The following SASH1 variants were observed in gnomAD, a reference collection of about 807,000 sequenced individuals.
SASH1 encodes the protein SAM and SH3 domain containing 1, also known as SAM and SH3 domain-containing protein 1.
SASH1 carries 44 observed loss-of-function variants against 125.2 expected under a neutral mutation model. The observed-to-expected ratio is 0.35, with a 90% CI of 0.28 to 0.45. SASH1 has a LOEUF of 0.45. Ranked by LOEUF, SASH1 falls within the 20% of genes least tolerant of loss-of-function variation. The pLI, the probability that SASH1 is intolerant of heterozygous loss-of-function variation, is 1.00. For synonymous variants in SASH1, 639 were observed against 649.1 expected, an observed-to-expected ratio of 0.98 and a Z score of 0.24; for missense variants, 1,426 against 1,614.5, an observed-to-expected ratio of 0.88 and a Z score of 2.00.
chr6:148,273,753 G>A (rs1425034678), intron 1 of SASH1, among the ~76,000 whole-genome samples: 1 of 152,214 alleles, frequency 6.6e-6, no homozygotes, highest in Non-Finnish European at 1.5e-5. Context: ...CTCTGCTTCT[G>A]GCCTGGGCTT....
At chr6:148,287,301 C>T (rs373419589) in intron 1 of SASH1, among the ~76,000 whole-genome samples, 4 of 152,182 alleles carry the variant, frequency 2.6e-5, no homozygotes, top group Non-Finnish European at 5.9e-5. Context: ...ATAGTCCCTA[C>T]GCCTTGGAAA....
chr6:148,337,490 G>A (rs1362493110), intron 1 of SASH1, among the ~76,000 whole-genome samples: 1 of 151,948 alleles, frequency 6.6e-6, no homozygotes, highest in Non-Finnish European at 1.5e-5. Context: ...TCCCAAAGTG[G>A]TGGGATTACA....
In SASH1 at chr6:148,519,238, C is replaced by T. The variant is rs1269585081; in HGVS notation, c.863-309C>T. Among the ~76,000 whole-genome samples the T allele has an allele frequency of 6.6e-6, 1 of 152,162 alleles. No homozygotes were observed. The highest frequency in any genetic ancestry group is 2.4e-5 in the African/African-American group (1 of 41,430). On this transcript the variant is annotated intron_variant, in intron 9 of 19. Transcript: ENST00000367467. The surrounding 1 kb of genome is among the most constrained non-coding windows in gnomAD (Gnocchi z 4.8). ...TTACAAACTGCAGAGGGCATTATCT[C>T]GAAATGCTAAGGCATATTGTGATTA...
At chr6:148,521,162 C>T (rs1353527353) in intron 10 of SASH1, among the ~76,000 whole-genome samples, 1 of 152,194 alleles carries the variant, frequency 6.6e-6, no homozygotes. Context: ...ATTTTTCCTT[C>T]TGAAATTCCC....
At chr6:148,513,977 T>G (rs1273579061) in intron 8 of SASH1, 1 of 1,005,528 alleles carries the variant, frequency 9.9e-7, no homozygotes, top group Non-Finnish European at 1.2e-6. Context: ...ACCACAGCAG[T>G]GAAACTGGAA....
chr6:148,376,557 G>C (rs994758069), intron 1 of SASH1, among the ~76,000 whole-genome samples: 34 of 152,084 alleles, frequency 2.2e-4, no homozygotes, highest in African/African-American at 8.0e-4. Context: ...TCTTGTATTT[G>C]TTTTCTTACA....
At position 148,487,703 on chromosome 6, in the gene SASH1, A is replaced by T. The variant is rs1441038327; in HGVS notation, c.717A>T (p.Ser239=). 33 of 1,610,788 alleles carry T rather than the reference A, an allele frequency of 2.0e-5. No homozygotes were observed. Among genetic ancestry groups the T allele is most frequent in the Non-Finnish European group, 2.5e-5 (30 of 1,177,266 alleles). The part of the protein sequence containing the change: ...PDGSYPTFDG[S]SNCNSREQSD... ...GTTCTTACCCAACGTTTGATGGCTC[A>T]TCAAACTGCAATGTGAGTTTATCAT... Residue 239 remains serine (S), a synonymous_variant, in exon 8 of 20, where the codon TCA becomes TCT. Coordinates refer to ENST00000367467, the MANE Select transcript of SASH1 (RefSeq NM_015278.5).
upstream of SASH1, among the ~76,000 whole-genome samples, chr6:148,267,762 T>C (rs1199408446): frequency 6.6e-6 from 1 of 152,122 alleles, no homozygotes; most frequent in Admixed American, 6.5e-5. Context: ...TTCTTAAACC[T>C]TCCCAATGAT....
chr6:148,486,184 G>A (rs571805790), intron 7 of SASH1, among the ~76,000 whole-genome samples: 7 of 152,148 alleles, frequency 4.6e-5, no homozygotes, highest in Non-Finnish European at 8.8e-5. Context: ...GCAGTGGTGC[G>A]ATCTCGGCTC....
intron 1 of SASH1, among the ~76,000 whole-genome samples, chr6:148,289,861 G>GTTTTTTTTTTTTTTT (rs144013796): frequency 4.7e-5 from 4 of 85,894 alleles, no homozygotes; most frequent in Admixed American, 1.6e-4. Flanking sequence ...TTTTGGTTGT[G>GTTTTTTTTTTTTTTT]TTTTTTTTTT....
rs10695657 is a variant in SASH1, at chr6:148,319,022, C to CTTTTT, written n.74+46669_74+46673dup. On this transcript the variant is annotated intron_variant and non_coding_transcript_variant, in intron 1 of 3. Coordinates refer to the SASH1 transcript ENST00000367469. ...ATATGGAAGAAGCCGCATTTATCTTCTTTTTTTTTTTTTTTTTTTTTTTTT... is the reference window on the plus strand; with the variant it reads ...ATATGGAAGAAGCCGCATTTATCTTCTTTTTTTTTTTTTTTTTTTTTTTTTTTTTT... Among the ~76,000 whole-genome samples, 536 of 66,700 alleles carry CTTTTT rather than the reference C, an allele frequency of 8.0e-3. 111 individuals are homozygous for CTTTTT. The highest frequency in any genetic ancestry group is 0.011 in the African/African-American group (185 of 16,564). The allele number at this position is 66,700 out of a possible 152,430, so 43.8% of individuals were successfully genotyped here. A position where few individuals can be genotyped will look rare whatever the true frequency, so the allele number is the denominator to read the frequency against.
chr6:148,338,973 C>T (rs1272823546), upstream of SASH1, among the ~76,000 whole-genome samples: 1 of 140,498 alleles, frequency 7.1e-6, no homozygotes, highest in Non-Finnish European at 1.5e-5. Context: ...CCACTGCACT[C>T]CAGCCTGGGC....
intron 10 of SASH1, 107 bp from the exon 11 acceptor site, chr6:148,525,184 G>A (rs894740734): frequency 2.6e-6 from 2 of 767,456 alleles, no homozygotes; most frequent in South Asian, 2.9e-5. Flanking sequence ...TCCTGTCCAC[G>A]TATTTGTGAT....
chr6:148,530,948 T>C (rs138836131), intron 12 of SASH1, among the ~76,000 whole-genome samples: 244 of 152,358 alleles, frequency 1.6e-3, no homozygotes, highest in African/African-American at 5.8e-3. Context: ...GAGTAACATA[T>C]GGAAATTTTA....
At chr6:148,237,235 G>A in the SASH1 span, among the ~76,000 whole-genome samples, 2 of 151,786 alleles carry the variant, frequency 1.3e-5, no homozygotes, top group Non-Finnish European at 2.9e-5. Context: ...ACCATATTGA[G>A]TTACCAATGA....
intron 1 of SASH1, among the ~76,000 whole-genome samples, chr6:148,273,952 T>C (rs1779124935): frequency 6.6e-6 from 1 of 152,232 alleles, no homozygotes; most frequent in Non-Finnish European, 1.5e-5. Context: ...AAATGTCAGT[T>C]TGGGCATTTA....
At chr6:148,199,218 C>T in the SASH1 span, among the ~76,000 whole-genome samples, 3 of 152,032 alleles carry the variant, frequency 2.0e-5, no homozygotes, top group African/African-American at 7.2e-5. Flanking sequence ...ACTGTCTCTA[C>T]TAAAAATACA....
intron 2 of SASH1, among the ~76,000 whole-genome samples, chr6:148,426,914 A>G (rs1775847552): frequency 6.6e-6 from 1 of 152,080 alleles, no homozygotes; most frequent in Non-Finnish European, 1.5e-5. Context: ...GCGGCTGGTC[A>G]CTTGAGACCA....
In SASH1 at chr6:148,390,141, C is replaced by T. The variant is rs778426190; in HGVS notation, c.164C>T (p.Ser55Leu). Residue 55 changes from serine to leucine, a missense_variant, in exon 2 of 20, where the codon TCA becomes TTA. Transcript: ENST00000367467. ...GTTTGTCCACCCCTTCAGGACGGTT[C>T]ACTGGGAAACATCGATGACCTGGCG... ...WTDVMGILDG[S>L]LGNIDDLAQQ... 3.7e-6 allele frequency: 6 copies of T among 1,613,180 alleles called. No homozygotes were observed. The highest frequency in any genetic ancestry group is 1.7e-5 in the Admixed American group (1 of 59,988).
Sources: allele counts gnomAD v4.1 joint callset (sites outside exome capture counted in the v4.1 genomes callset), GRCh38; gene constraint gnomAD v4.1.1; non-coding constraint Gnocchi (gnomAD v3.1); transcripts MANE v1.5; gene names NCBI Gene and HGNC (gene_info 2026-07-23, HGNC 2026-07-21).